Variants in KCNU1 observed in about 807,000 individuals in gnomAD.
KCNU1 encodes potassium calcium-activated channel subfamily U member 1, also known as potassium channel subfamily U member 1.
KCNU1 carries 93 observed loss-of-function variants against 126.8 expected under a neutral mutation model. The ratio of observed to expected loss-of-function variants is 0.73; its 90% CI spans 0.62 to 0.87. The LOEUF is 0.87. Ranked by LOEUF, KCNU1 falls within the 40% of genes least tolerant of loss-of-function variation. KCNU1 has a pLI of 0.00. For missense variants in KCNU1, 1,330 were observed against 1,367.1 expected (o/e 0.97, Z 0.43); for synonymous variants, 523 against 494.2 (o/e 1.06, Z -0.77).
chr8:36,836,802 C>A lies in KCNU1; in HGVS notation c.1375C>A (p.Pro459Thr). The change falls in exon 14 of 27, where the codon CCA (proline) becomes ACA (threonine). Residue 459 changes from proline (P) to threonine (T), a missense_variant. By Grantham distance (38) the Pro-to-Thr change is conservative. This residue lies in a region of KCNU1 where 1,054 missense variants were observed against 1,053.9 expected (regional missense o/e 1.00). Coordinates refer to ENST00000399881, the MANE Select transcript of KCNU1 (RefSeq NM_001031836.3). ...ILQSHNKVYL[P>T]KIPSWNWDTG... ...TTGTGCTATGGAACAGGTTTATCTG[C>A]CAAAGATTCCCAGCTGGAACTGGGA... 6.2e-7 allele frequency: 1 copy of A among 1,613,718 alleles called. No individual in the cohort carries two copies. The highest frequency in any genetic ancestry group is 8.5e-7 in the Non-Finnish European group (1 of 1,179,740).
chr8:36,826,365 A>C (rs938203499), intron 10 of KCNU1, among the ~76,000 whole-genome samples: 4 of 151,976 alleles, frequency 2.6e-5, no homozygotes, highest in African/African-American at 9.7e-5. Flanking sequence ...GCCCACCACC[A>C]CGCCTGGCTA....
rs558615892 is a variant in KCNU1 at position 36,929,807 on chromosome 8, T to C, written c.2737-1144T>C. Among the ~76,000 whole-genome samples the C allele has an allele frequency of 7.2e-5, 11 of 152,202 alleles. No homozygotes were observed. In the South Asian group the frequency reaches 2.1e-3, roughly 29 times the overall value. On this transcript the variant is annotated intron_variant, in intron 24 of 26. Transcript: ENST00000399881. ...GCCACGGTGGAGACAGAGGGCCTGG[T>C]TTCGTGTCAGGATACTAAAAGGTTG...
chr8:36,889,600 G>T (rs372344812), intron 19 of KCNU1, among the ~76,000 whole-genome samples: 1 of 152,004 alleles, frequency 6.6e-6, no homozygotes, highest in Non-Finnish European at 1.5e-5. Context: ...GCATAAAGAA[G>T]AATACAAAAT....
chr8:36,822,266 C>T (rs1027504706), intron 10 of KCNU1, among the ~76,000 whole-genome samples: 24 of 151,890 alleles, frequency 1.6e-4, no homozygotes, highest in African/African-American at 4.8e-4. Context: ...TATATACATA[C>T]GTATGTATGT....
chr8:36,862,835 G>C (rs994639781), intron 18 of KCNU1, among the ~76,000 whole-genome samples: 1 of 152,038 alleles, frequency 6.6e-6, no homozygotes, highest in African/African-American at 2.4e-5. Context: ...AGGCTAGTTC[G>C]GGCATGTTGT....
At chr8:36,934,696 A>G (rs1039311023) in intron 26 of KCNU1, among the ~76,000 whole-genome samples, 2 of 152,130 alleles carry the variant, frequency 1.3e-5, no homozygotes, top group South Asian at 2.1e-4. Context: ...AGGAAATTCA[A>G]TGGTGCCTTG....
chr8:36,790,761 A>G (rs1287674519), intron 2 of KCNU1, among the ~76,000 whole-genome samples: 1 of 152,026 alleles, frequency 6.6e-6, no homozygotes, highest in African/African-American at 2.4e-5. Flanking sequence ...AGTCTACAAA[A>G]CCCTCAAGGA....
chr8:36,787,388 T>C lies in KCNU1; in HGVS notation c.278T>C (p.Met93Thr), dbSNP rs1217410531. ...FQGQFRDHIE[M>T]LLSAQTFVGQ... is the part of the protein sequence containing the mutation. ...GGACAATTTCGTGATCATATAGAAA[T>C]GTTGCTTTCAGCCCAGACCTTTGTG... is the stretch of plus-strand genomic sequence containing the variant. The change falls in exon 2 of 27, where the codon ATG becomes ACG. Residue 93 changes from methionine (M) to threonine (T), a missense_variant. By Grantham distance (81) the Met-to-Thr change is moderately conservative (BLOSUM62 -1). Coordinates refer to ENST00000399881, the MANE Select transcript of KCNU1 (RefSeq NM_001031836.3). 4 of 1,612,398 alleles carry C rather than the reference T, an allele frequency of 2.5e-6. No homozygotes were observed. In the South Asian group the frequency reaches 3.3e-5, roughly 13 times the overall value.
At position 36,905,716 on chromosome 8, in the gene KCNU1, A is replaced by G. The variant is rs764097425; in HGVS notation, c.2018A>G (p.Gln673Arg). ...CCATTCTTCCTATTTAGGACTCTTC[A>G]ACATGATGTAGAACAAGATTCTGAC... ...SISNFTTRTL[Q>R]HDVEQDSDQL... The change falls in exon 20 of 27, where the codon CAA becomes CGA. Residue 673 changes from glutamine to arginine, a missense_variant. This residue lies in a region of KCNU1 where 1,054 missense variants were observed against 1,053.9 expected (regional missense o/e 1.00). Coordinates refer to ENST00000399881, the MANE Select transcript of KCNU1 (RefSeq NM_001031836.3). The G allele has an allele frequency of 2.6e-5, 41 of 1,582,822 alleles. No individual in the cohort carries two copies. The highest frequency in any genetic ancestry group is 3.6e-5 in the Non-Finnish European group (41 of 1,151,910).
intron 19 of KCNU1, among the ~76,000 whole-genome samples, chr8:36,873,962 A>G (rs780755007): frequency 7.2e-5 from 11 of 152,332 alleles, no homozygotes; most frequent in Admixed American, 4.6e-4. Flanking sequence ...AAATATCATT[A>G]TTAAAATGCA....
chr8:36,888,702 A>T, intron 19 of KCNU1: 1 of 534,606 alleles, frequency 1.9e-6, no homozygotes, highest in Non-Finnish European at 3.8e-6. Context: ...ATTGTTACAA[A>T]CCATCACTTG....
At chr8:36,808,199 C>G (rs1009590419) in intron 6 of KCNU1, among the ~76,000 whole-genome samples, 8 of 152,126 alleles carry the variant, frequency 5.3e-5, no homozygotes, top group Non-Finnish European at 1.0e-4. Context: ...CCTTAGGTGA[C>G]AAGGGCCCCT....
At chr8:36,929,013 T>C in intron 24 of KCNU1, 1 of 699,998 alleles carries the variant, frequency 1.4e-6, no homozygotes, top group Non-Finnish European at 2.6e-6. Context: ...GTGCAGTATA[T>C]TTTACTTAAT....
chr8:36,787,353 C>G lies in KCNU1; in HGVS notation c.243C>G (p.Leu81=), dbSNP rs1463945565. 1.9e-6 allele frequency: 3 copies of G among 1,612,542 alleles called. No homozygotes were observed. The highest frequency in any genetic ancestry group is 1.7e-4 in the Middle Eastern group (1 of 6,058). Residue 81 remains leucine (L), a synonymous_variant, in exon 2 of 27, where the codon CTC becomes CTG. Transcript: ENST00000399881. ...GTIARSHVRS[L]HFQGQFRDHI... Reference sequence around the variant, plus strand: ...TCGCTAGGAGCCATGTAAGAAGCCTCCACTTCCAGGGACAATTTCGTGATC... The same window carrying G: ...TCGCTAGGAGCCATGTAAGAAGCCTGCACTTCCAGGGACAATTTCGTGATC...
chr8:36,828,764 G>A (rs951830137), intron 10 of KCNU1, among the ~76,000 whole-genome samples: 42 of 151,980 alleles, frequency 2.8e-4, no homozygotes, highest in African/African-American at 9.9e-4. Flanking sequence ...ATGTTTATGT[G>A]CATTTGTGCT....
chr8:36,841,890 G>A (rs1804969532), intron 16 of KCNU1, among the ~76,000 whole-genome samples: 1 of 151,244 alleles, frequency 6.6e-6, no homozygotes, highest in African/African-American at 2.4e-5. Context: ...ATAAAATTCA[G>A]AGCAAATGAA....
chr8:36,914,995 G>A (rs963901616), intron 22 of KCNU1, among the ~76,000 whole-genome samples: 9 of 152,252 alleles, frequency 5.9e-5, no homozygotes, highest in Admixed American at 2.0e-4. Flanking sequence ...ACCATTGCTC[G>A]AAAAGGAGAT....
chr8:36,879,819 G>T (rs951425881), intron 19 of KCNU1, among the ~76,000 whole-genome samples: 43 of 152,194 alleles, frequency 2.8e-4, no homozygotes, highest in African/African-American at 8.7e-4. Context: ...TGGAAGGCCT[G>T]CCTCGAGTGG....
intron 10 of KCNU1, among the ~76,000 whole-genome samples, chr8:36,824,806 G>A (rs1804255902): frequency 6.6e-6 from 1 of 151,898 alleles, no homozygotes; most frequent in Non-Finnish European, 1.5e-5. Flanking sequence ...TATTGCAACT[G>A]GAAATAGTTG....
Sources: gnomAD v4.1 joint callset for allele counts (sites outside exome capture counted in the v4.1 genomes callset) on GRCh38, gnomAD v4.1.1 for gene constraint, gnomAD v4.1.1 regional missense constraint, MANE v1.5 for transcripts, NCBI Gene and HGNC (gene_info 2026-07-23, HGNC 2026-07-21) for gene names.